UTRN: variants seen among roughly 807,000 people sequenced by gnomAD.
The protein encoded by UTRN is dystrophin-related protein 1.
UTRN carries 283 observed loss-of-function variants against 463.9 expected under a neutral mutation model. The observed-to-expected ratio is 0.61, with a 90% CI of 0.55 to 0.67. The LOEUF is 0.67. UTRN is among the 30% of genes least tolerant of loss of function. The pLI, the probability that UTRN is intolerant of heterozygous loss-of-function variation, is 0.00. For missense variants in UTRN, 3,922 were observed against 4,084.3 expected (o/e 0.96, Z 1.08); for synonymous variants, 1,442 against 1,431.5 (o/e 1.01, Z -0.17).
At chr6:144,710,382 C>A (rs1216376721) in intron 53 of UTRN, among the ~76,000 whole-genome samples, 3 of 152,174 alleles carry the variant, frequency 2.0e-5, no homozygotes, top group Non-Finnish European at 4.4e-5. Flanking sequence ...GATGAGCAGG[C>A]AGGAAGCCCC....
intron 19 of UTRN, among the ~76,000 whole-genome samples, chr6:144,457,306 C>T (rs1055407272): frequency 7.9e-5 from 12 of 152,206 alleles, no homozygotes; most frequent in East Asian, 7.7e-4. Context: ...TTGTTTTAAC[C>T]GCCCTTGTTC....
At chr6:144,556,219 A>G (rs1236478238) in intron 49 of UTRN, among the ~76,000 whole-genome samples, 3 of 152,208 alleles carry the variant, frequency 2.0e-5, no homozygotes, top group Non-Finnish European at 2.9e-5. Flanking sequence ...GTAGAAAACA[A>G]TCGAAAATGT....
chr6:144,525,585 C>G (rs1279670841), intron 41 of UTRN, among the ~76,000 whole-genome samples: 1 of 152,010 alleles, frequency 6.6e-6, no homozygotes, highest in Non-Finnish European at 1.5e-5. Context: ...CTTGGTTAAT[C>G]TCACCAATAG....
At chr6:144,810,058 C>T (rs902403450) in intron 65 of UTRN, among the ~76,000 whole-genome samples, 2 of 152,116 alleles carry the variant, frequency 1.3e-5, no homozygotes, top group African/African-American at 4.8e-5. Flanking sequence ...TAAGAAGATA[C>T]GACCTAATGC....
chr6:144,302,674 G>C (rs1237669648), intron 2 of UTRN, among the ~76,000 whole-genome samples: 1 of 152,172 alleles, frequency 6.6e-6, no homozygotes, highest in Non-Finnish European at 1.5e-5. Context: ...AGGCTAGTTG[G>C]AAAGAAAGAC....
At chr6:144,406,649 G>A (rs770757727) in intron 3 of UTRN, among the ~76,000 whole-genome samples, 1 of 152,202 alleles carries the variant, frequency 6.6e-6, no homozygotes. Flanking sequence ...TTACAGGCGT[G>A]AGCCACCACG....
intron 50 of UTRN, among the ~76,000 whole-genome samples, chr6:144,572,460 G>A (rs1372240682): frequency 3.9e-5 from 6 of 151,984 alleles, no homozygotes; most frequent in South Asian, 2.1e-4. Flanking sequence ...ATACATGTGC[G>A]TGGTGGTTTG....
chr6:144,575,551 G>T (rs570972848), intron 50 of UTRN, among the ~76,000 whole-genome samples: 3 of 152,246 alleles, frequency 2.0e-5, no homozygotes, highest in South Asian at 2.1e-4. Context: ...TATACAAAAA[G>T]AAATCTTGAG....
chr6:144,395,297 A>G (rs1782300056), intron 2 of UTRN, among the ~76,000 whole-genome samples: 2 of 152,268 alleles, frequency 1.3e-5, no homozygotes, highest in South Asian at 4.1e-4. Flanking sequence ...AAAAATTCAA[A>G]GTGAAGTGTT....
At chr6:144,542,220 C>T (rs758411331) in intron 45 of UTRN, among the ~76,000 whole-genome samples, 6 of 151,990 alleles carry the variant, frequency 3.9e-5, no homozygotes, top group African/African-American at 7.3e-5. Flanking sequence ...GTTTATGAAA[C>T]GGGTGTCAGG....
chr6:144,461,369 T>C, intron 22 of UTRN, 27 bp downstream of exon 22: 1 of 1,463,880 alleles, frequency 6.8e-7, no homozygotes, highest in South Asian at 1.5e-5. Context: ...ATGTTAGAAC[T>C]CTAGCGCTTC....
chr6:144,796,312 T>C (rs149557700), intron 63 of UTRN, among the ~76,000 whole-genome samples: 1 of 152,312 alleles, frequency 6.6e-6, no homozygotes, highest in Non-Finnish European at 1.5e-5. Flanking sequence ...GACCTAATCA[T>C]TTCCTAAAGG....
chr6:144,754,705 T>C lies in UTRN; in HGVS notation c.8356-15T>C, dbSNP rs1362061012. The C allele has an allele frequency of 6.2e-7, 1 of 1,610,524 alleles. No homozygotes were observed. The highest frequency in any genetic ancestry group is 8.5e-7 in the Non-Finnish European group (1 of 1,178,760). Reference sequence around the variant, plus strand: ...ATCAAATTATTTCCTCTGACTTGCATGTGTATGTGTGCAGGTTTCTGTGGA... The same window carrying C: ...ATCAAATTATTTCCTCTGACTTGCACGTGTATGTGTGCAGGTTTCTGTGGA... On this transcript the variant is annotated splice_polypyrimidine_tract_variant and intron_variant, in intron 56 of 74. Transcript: ENST00000367545.
chr6:144,531,183 A>G lies in UTRN; in HGVS notation c.6038A>G (p.Lys2013Arg). The change falls in exon 42 of 75, where the codon AAA becomes AGA. Residue 2013 changes from lysine (K) to arginine (R), a missense_variant. Around this residue, in one of 3 missense-constraint regions of UTRN, gnomAD observed 2,349 missense variants for 2,303.8 expected, o/e 1.02. Transcript: ENST00000367545. ...CAPGGSLDLE[K>R]ARIHQQELEV... ...CCAGGTGGCAGCCTGGACTTAGAGAAAGCCAGGATACATCAGCAGGTGAGT... is the reference window on the plus strand; with the variant it reads ...CCAGGTGGCAGCCTGGACTTAGAGAGAGCCAGGATACATCAGCAGGTGAGT... 1 of 1,613,882 alleles carries G rather than the reference A, an allele frequency of 6.2e-7. No individual in the cohort carries two copies. The highest frequency in any genetic ancestry group is 1.3e-5 in the African/African-American group (1 of 75,030).
intron 33 of UTRN, among the ~76,000 whole-genome samples, chr6:144,495,925 T>C (rs192499751): frequency 2.4e-4 from 37 of 152,290 alleles, no homozygotes; most frequent in African/African-American, 8.9e-4. Context: ...CTCAAGTTGT[T>C]GGTCCTTAGA....
intron 54 of UTRN, among the ~76,000 whole-genome samples, chr6:144,732,689 TTATGTTATG>T: frequency 6.6e-6 from 1 of 151,364 alleles, no homozygotes; most frequent in Admixed American, 6.6e-5. Context: ...TTATGTTATG[TTATGTTATG>T]TTATGTTATG....
intron 65 of UTRN, among the ~76,000 whole-genome samples, chr6:144,816,322 A>G (rs573997390): frequency 5.3e-5 from 8 of 152,286 alleles, no homozygotes; most frequent in Non-Finnish European, 7.3e-5. Flanking sequence ...TGGAGTGATA[A>G]AACTATTTTT....
At chr6:144,704,190 G>A (rs1305197667) in intron 53 of UTRN, among the ~76,000 whole-genome samples, 1 of 152,030 alleles carries the variant, frequency 6.6e-6, no homozygotes, top group Non-Finnish European at 1.5e-5. Flanking sequence ...TTTTGTTTTT[G>A]TTTTTACTTG....
intron 66 of UTRN, among the ~76,000 whole-genome samples, chr6:144,824,756 G>A (rs1780011171): frequency 7.4e-6 from 1 of 135,978 alleles, no homozygotes; most frequent in African/African-American, 2.8e-5. Context: ...TTCCTAGGCA[G>A]TATGTGAAGT....
Sources: allele counts gnomAD v4.1 joint callset (sites outside exome capture counted in the v4.1 genomes callset), GRCh38; gene constraint gnomAD v4.1.1; regional missense constraint gnomAD v4.1.1; transcripts MANE v1.5; gene names NCBI Gene and HGNC (gene_info 2026-07-23, HGNC 2026-07-21).